Variants in TSPAN14 observed in about 807,000 individuals in gnomAD.
TSPAN14 encodes the protein tetraspanin 14.
TSPAN14 carries 16 observed loss-of-function variants against 36.6 expected under a neutral mutation model. The observed-to-expected ratio is 0.44, with a 90% CI of 0.30 to 0.66. The LOEUF is 0.66. TSPAN14 is among the 30% of genes least tolerant of loss of function. The probability of loss-of-function intolerance (pLI) is 0.12; values close to 1 mark genes in which losing one functional copy is unlikely to be tolerated. For synonymous variants in TSPAN14, 139 were observed against 143.8 expected, an observed-to-expected ratio of 0.97 and a Z score of 0.24; for missense variants, 231 against 355.1, an observed-to-expected ratio of 0.65 and a Z score of 2.81.
Position 80,509,560 on chromosome 10 carries a change from T to G in TSPAN14, c.450+89T>G. ...TCTAGCAGGGGCATCAGGCCTTCTCTGTGGGTTGTCTGCCTGCAGCTTGGC... is the reference window on the plus strand; with the variant it reads ...TCTAGCAGGGGCATCAGGCCTTCTCGGTGGGTTGTCTGCCTGCAGCTTGGC... On this transcript the variant is annotated intron_variant, in intron 5 of 8. Transcript: ENST00000429989. The surrounding 1 kb of genome is among the most constrained non-coding windows in gnomAD (Gnocchi z 4.7). 1.4e-6 allele frequency: 2 copies of G among 1,419,162 alleles called. No individual in the cohort carries two copies. The highest frequency in any genetic ancestry group is 1.9e-6 in the Non-Finnish European group (2 of 1,041,206). 87.9% of individuals were successfully genotyped at this position (1,419,162 alleles called of 1,614,324 possible).
Position 80,507,384 on chromosome 10 carries a change from C to G in TSPAN14, c.279+10C>G, listed in dbSNP as rs1183157425. 6.2e-7 allele frequency: 1 copy of G among 1,614,114 alleles called. No homozygotes were observed. The highest frequency in any genetic ancestry group is 1.7e-5 in the Admixed American group (1 of 60,024). On this transcript the variant is annotated intron_variant, in intron 4 of 8. Coordinates refer to ENST00000429989, the Ensembl canonical transcript of TSPAN14. ...CTGCTTGCTCAACTTTGTGAGTGGC[C>G]ACAGAGACAAGAGTGGGATAGGATG... is the stretch of plus-strand genomic sequence containing the variant.
intron 2 of TSPAN14, among the ~76,000 whole-genome samples, chr10:80,500,314 CTTTTTTTTTTTTTTTTTTTT>C (rs144759161): frequency 2.1e-5 from 1 of 47,860 alleles, no homozygotes; most frequent in Admixed American, 3.6e-4. Flanking sequence ...AGGCCTTATT[CTTTTTTTTTTTTTTTTTTTT>C]TTTTTTTTTT....
intron 1 of TSPAN14, chr10:80,485,470 G>A (rs1458461439): frequency 9.2e-6 from 2 of 216,738 alleles, no homozygotes; most frequent in African/African-American, 2.4e-5. Context: ...CTCCCTTGGG[G>A]TTCTGAAGCC....
chr10:80,512,319 A>G (rs771228111), intron 6 of TSPAN14, 50 bp downstream of exon 6: 2 of 1,606,958 alleles, frequency 1.2e-6, no homozygotes, highest in South Asian at 2.2e-5. Context: ...CCTGAAGCCC[A>G]GAAGCTTTCC....
chr10:80,513,680 G>A (rs187156405), intron 6 of TSPAN14, among the ~76,000 whole-genome samples: 166 of 152,326 alleles, frequency 1.1e-3, no homozygotes, highest in African/African-American at 3.5e-3. Flanking sequence ...ATAATATTTT[G>A]TGGTACGTGA....
chr10:80,513,451 A>G (rs1199797535), intron 6 of TSPAN14, among the ~76,000 whole-genome samples: 1 of 152,180 alleles, frequency 6.6e-6, no homozygotes, highest in Non-Finnish European at 1.5e-5. Flanking sequence ...AGATTTGCTG[A>G]AGCTGCACAG....
At chr10:80,477,188 C>T (rs111468669) in intron 1 of TSPAN14, among the ~76,000 whole-genome samples, 38 of 152,292 alleles carry the variant, frequency 2.5e-4, no homozygotes, top group African/African-American at 9.1e-4. Flanking sequence ...TTTAAGGGCT[C>T]ATGTAATTAC....
In TSPAN14 at chr10:80,496,613, G is replaced by A. The variant is rs547465202; in HGVS notation, c.81+7299G>A. Among the ~76,000 whole-genome samples the A allele has an allele frequency of 1.4e-4, 21 of 152,244 alleles. 1 individual carries two copies. Among genetic ancestry groups the A allele is most frequent in the South Asian group, 1.0e-3 (5 of 4,822 alleles). ...CCCCTTCCCTGTCCCATTTCCCTAGGACATTGTTTATCTAGGGCACAGAGG... is the reference window on the plus strand; with the variant it reads ...CCCCTTCCCTGTCCCATTTCCCTAGAACATTGTTTATCTAGGGCACAGAGG... On this transcript the variant is annotated intron_variant, in intron 2 of 8. Coordinates refer to ENST00000429989, the Ensembl canonical transcript of TSPAN14.
intron 1 of TSPAN14, among the ~76,000 whole-genome samples, chr10:80,475,717 G>C (rs1322352602): frequency 6.6e-6 from 1 of 152,150 alleles, no homozygotes; most frequent in Admixed American, 6.5e-5. Flanking sequence ...CTCCCAAGTA[G>C]CTAGGATTAT....
intron 1 of TSPAN14, among the ~76,000 whole-genome samples, chr10:80,455,439 G>A (rs1367517590): frequency 6.6e-6 from 1 of 152,132 alleles, no homozygotes; most frequent in Non-Finnish European, 1.5e-5. Context: ...GCAGTGGTCT[G>A]CTCTCCAGGG....
chr10:80,463,768 GA>G (rs1846096645), intron 1 of TSPAN14, among the ~76,000 whole-genome samples: 1 of 152,228 alleles, frequency 6.6e-6, no homozygotes, highest in African/African-American at 2.4e-5. Context: ...TGTGTAAAAG[GA>G]AAAGAAACAT....
At chr10:80,507,570 AC>A (rs1840366228) in intron 4 of TSPAN14, among the ~76,000 whole-genome samples, 196 bp downstream of exon 4, 1 of 152,130 alleles carries the variant, frequency 6.6e-6, no homozygotes, top group South Asian at 2.1e-4. Context: ...AGAATTAGGT[AC>A]CCTCTGGTTT....
At chr10:80,486,021 A>G (rs1847575127) in intron 1 of TSPAN14, among the ~76,000 whole-genome samples, 1 of 152,152 alleles carries the variant, frequency 6.6e-6, no homozygotes, top group Non-Finnish European at 1.5e-5. Flanking sequence ...GTTTCTTCCT[A>G]GTTATTCCGC....
At chr10:80,472,255 A>C (rs1032470682) in intron 1 of TSPAN14, among the ~76,000 whole-genome samples, 5 of 152,050 alleles carry the variant, frequency 3.3e-5, no homozygotes, top group African/African-American at 1.2e-4. Flanking sequence ...GAAGCCAGTT[A>C]TTTTGTAGTA....
intron 1 of TSPAN14, among the ~76,000 whole-genome samples, chr10:80,460,065 C>G (rs1184277099): frequency 6.6e-6 from 1 of 152,154 alleles, no homozygotes; most frequent in Admixed American, 6.5e-5. Flanking sequence ...ACTTGTTAAA[C>G]TGGTAAGGTA....
At chr10:80,462,765 A>G (rs1380978667) in intron 1 of TSPAN14, among the ~76,000 whole-genome samples, 1 of 152,144 alleles carries the variant, frequency 6.6e-6, no homozygotes, top group African/African-American at 2.4e-5. Flanking sequence ...TTTTGGAGAA[A>G]CTGTTTTTAG....
chr10:80,500,515 G>C (rs12356660), intron 2 of TSPAN14, among the ~76,000 whole-genome samples: 1 of 151,840 alleles, frequency 6.6e-6, no homozygotes, highest in African/African-American at 2.4e-5. Context: ...TTTTAGTAGA[G>C]ATGGGGTTTC....
intron 1 of TSPAN14, among the ~76,000 whole-genome samples, chr10:80,477,472 A>G (rs1030639185): frequency 2.6e-5 from 4 of 152,252 alleles, no homozygotes; most frequent in South Asian, 2.1e-4. Flanking sequence ...AAAGAAATCA[A>G]TGCATGAGGA....
At chr10:80,515,817 C>T (rs573456960) in intron 7 of TSPAN14, 1 of 179,074 alleles carries the variant, frequency 5.6e-6, no homozygotes, top group South Asian at 1.3e-4. Flanking sequence ...CCCTTCTTCT[C>T]TTCTTAGGAG....
Sources: gnomAD v4.1 joint callset for allele counts (sites outside exome capture counted in the v4.1 genomes callset) on GRCh38, gnomAD v4.1.1 for gene constraint, Gnocchi (gnomAD v3.1) non-coding constraint, MANE v1.5 for transcripts, NCBI Gene and HGNC (gene_info 2026-07-23, HGNC 2026-07-21) for gene names.